Variants in N4BP2L2 observed in about 807,000 individuals in gnomAD.
The protein encoded by N4BP2L2 is NEDD4 binding protein 2 like 2.
Under a neutral mutation model 56.2 loss-of-function variants are expected in N4BP2L2, and 50 were observed. That is an observed-to-expected ratio of 0.89 (90% CI 0.71 to 1.13). N4BP2L2 has a LOEUF of 1.13. Ranked by LOEUF, N4BP2L2 falls within the 50% of genes most tolerant of loss-of-function variation. The pLI is 0.00. For missense variants in N4BP2L2, 689 were observed against 693.8 expected (o/e 0.99, Z 0.08); for synonymous variants, 203 against 223.6 (o/e 0.91, Z 0.82).
At chr13:32,476,739 G>A (rs537851946) in intron 6 of N4BP2L2, among the ~76,000 whole-genome samples, 2 of 152,256 alleles carry the variant, frequency 1.3e-5, no homozygotes, top group African/African-American at 2.4e-5. Context: ...CTGAAGTACT[G>A]TGGATATACA....
At chr13:32,462,625 C>T (rs1450699421) in intron 6 of N4BP2L2, among the ~76,000 whole-genome samples, 2 of 151,970 alleles carry the variant, frequency 1.3e-5, no homozygotes, top group Non-Finnish European at 2.9e-5. Flanking sequence ...TTGAAACATT[C>T]CCAACACATA....
intron 2 of N4BP2L2, among the ~76,000 whole-genome samples, chr13:32,533,225 T>C (rs138917720): frequency 7.4e-4 from 113 of 152,288 alleles, no homozygotes; most frequent in Middle Eastern, 3.4e-3. Flanking sequence ...GGTTAAAGTT[T>C]CACTGAATTT....
At chr13:32,515,364 C>G (rs1307241360) in exon 6 of N4BP2L2, 4 of 152,124 alleles carry the variant, frequency 2.6e-5, no homozygotes, top group African/African-American at 7.2e-5. Flanking sequence ...CCTCTTGAGC[C>G]TAGGAGTTCA....
rs1285756139 is a variant in N4BP2L2 at position 32,463,703 on chromosome 13, G to GT, written c.366-19578dup. 2.0e-5 allele frequency among the ~76,000 whole-genome samples: 3 copies of GT among 149,726 alleles called. No homozygotes were observed. The East Asian group carries it at 5.8e-4, about 29-fold the overall frequency. ...AAAAGGGGGCACTTATAAGAGATCA[G>GT]TGTTAGGATTAAGAGCTGAATTCTC... On this transcript the variant is annotated intron_variant, in intron 6 of 9. Transcript: ENST00000357505.
At chr13:32,479,580 C>G (rs1385745637) in intron 6 of N4BP2L2, among the ~76,000 whole-genome samples, 1 of 149,388 alleles carries the variant, frequency 6.7e-6, no homozygotes. Flanking sequence ...TGCGCCCCGC[C>G]AGTAATTATT....
intron 6 of N4BP2L2, among the ~76,000 whole-genome samples, chr13:32,474,680 G>C (rs1479015725): frequency 1.1e-4 from 16 of 152,174 alleles, no homozygotes; most frequent in Non-Finnish European, 1.5e-5. Context: ...GGGCAACAGA[G>C]TGAGACTCCA....
At chr13:32,463,955 C>T (rs1219383736) in intron 6 of N4BP2L2, among the ~76,000 whole-genome samples, 4 of 118,208 alleles carry the variant, frequency 3.4e-5, no homozygotes, top group Admixed American at 8.8e-5. Flanking sequence ...GGGAATTCTT[C>T]AGGCTGAAAT....
chr13:32,487,318 G>C (rs370204708), intron 6 of N4BP2L2, among the ~76,000 whole-genome samples: 1 of 151,304 alleles, frequency 6.6e-6, no homozygotes, highest in African/African-American at 2.4e-5. Flanking sequence ...TACCAAAAAA[G>C]TACAAAAATT....
chr13:32,533,585 G>A (rs1006492179), intron 2 of N4BP2L2, among the ~76,000 whole-genome samples: 11 of 140,324 alleles, frequency 7.8e-5, no homozygotes, highest in Middle Eastern at 3.9e-3. Flanking sequence ...GCAATGGCAC[G>A]ATCATGGCTC....
exon 2 of N4BP2L2, chr13:32,535,997 C>T (rs200712374): frequency 1.1e-5 from 18 of 1,613,818 alleles, no homozygotes; most frequent in Non-Finnish European, 1.4e-5. Flanking sequence ...AACACTACTC[C>T]TATTCTCACT....
At chr13:32,485,723 G>A (rs915589902) in intron 6 of N4BP2L2, among the ~76,000 whole-genome samples, 1 of 152,034 alleles carries the variant, frequency 6.6e-6, no homozygotes, top group Non-Finnish European at 1.5e-5. Flanking sequence ...AAAAACATGG[G>A]CAAAATCTAA....
At chr13:32,437,189 G>A (rs1451715021) in intron 8 of N4BP2L2, among the ~76,000 whole-genome samples, 1 of 152,084 alleles carries the variant, frequency 6.6e-6, no homozygotes, top group Non-Finnish European at 1.5e-5. Context: ...GGCCACAAAT[G>A]TCAATTTAAA....
intron 6 of N4BP2L2, among the ~76,000 whole-genome samples, chr13:32,470,303 C>A (rs1397023794): frequency 2.0e-5 from 3 of 152,148 alleles, no homozygotes; most frequent in African/African-American, 7.2e-5. Flanking sequence ...GTGTCATAGT[C>A]TTATTAATGA....
At chr13:32,456,497 G>A (rs939749311) in intron 6 of N4BP2L2, among the ~76,000 whole-genome samples, 3 of 152,084 alleles carry the variant, frequency 2.0e-5, no homozygotes, top group Non-Finnish European at 4.4e-5. Flanking sequence ...AACTCGAAAG[G>A]AACATAATAA....
In N4BP2L2 at chr13:32,440,661, C is replaced by A. The variant is rs146755222; in HGVS notation, c.2104+1727G>T. 4.7e-3 allele frequency among the ~76,000 whole-genome samples: 712 copies of A among 152,122 alleles called. 4 individuals carry two copies. The highest frequency in any genetic ancestry group is 0.016 in the African/African-American group (679 of 41,492). On this transcript the variant is annotated intron_variant, in intron 7 of 9. Transcript: ENST00000357505. ...TATTTTTAGTAGAGACAGGGTTTCA[C>A]CATGTTGGCCAGGCTGGTCTCGAAC...
At chr13:32,489,635 C>T (rs903988162) in intron 6 of N4BP2L2, among the ~76,000 whole-genome samples, 7 of 152,050 alleles carry the variant, frequency 4.6e-5, no homozygotes, top group African/African-American at 7.2e-5. Flanking sequence ...CACTGCTGTA[C>T]GCATATAAAC....
At chr13:32,470,420 G>A (rs1289686979) in intron 6 of N4BP2L2, among the ~76,000 whole-genome samples, 1 of 152,166 alleles carries the variant, frequency 6.6e-6, no homozygotes, top group Non-Finnish European at 1.5e-5. Context: ...AGCCAAGCAG[G>A]CTATTCGGTA....
intron 6 of N4BP2L2, among the ~76,000 whole-genome samples, chr13:32,493,947 A>C (rs573769248): frequency 1.2e-3 from 190 of 152,288 alleles, no homozygotes; most frequent in Non-Finnish European, 2.2e-3. Flanking sequence ...AAGTTATTTT[A>C]TCTCTTTGGA....
intron 6 of N4BP2L2, among the ~76,000 whole-genome samples, chr13:32,503,065 C>T (rs966834342): frequency 1.4e-5 from 2 of 145,302 alleles, no homozygotes; most frequent in Admixed American, 7.1e-5. Flanking sequence ...CCCAGCGACT[C>T]GGGAGGCTGA....
Sources: allele counts gnomAD v4.1 joint callset (sites outside exome capture counted in the v4.1 genomes callset), GRCh38; gene constraint gnomAD v4.1.1; transcripts MANE v1.5; gene names NCBI Gene and HGNC (gene_info 2026-07-23, HGNC 2026-07-21).